The following INVS variants were observed in gnomAD, a reference collection of about 807,000 sequenced individuals.
The protein encoded by INVS is inversion of embryo turning homolog.
INVS carries 86 observed loss-of-function variants against 108.8 expected under a neutral mutation model. The ratio of observed to expected loss-of-function variants is 0.79; its 90% CI spans 0.66 to 0.95. The LOEUF is 0.95. INVS is among the 40% of genes least tolerant of loss of function. The probability of loss-of-function intolerance (pLI) is 0.00; values close to 1 mark genes in which losing one functional copy is unlikely to be tolerated. For synonymous variants in INVS, 455 were observed against 473.5 expected, an observed-to-expected ratio of 0.96 and a Z score of 0.51; for missense variants, 1,169 against 1,297.4, an observed-to-expected ratio of 0.90 and a Z score of 1.52.
intron 10 of INVS, among the ~76,000 whole-genome samples, chr9:100,264,383 T>G (rs1021472477): frequency 6.6e-6 from 1 of 152,124 alleles, no homozygotes; most frequent in African/African-American, 2.4e-5. Context: ...TTTGGGAGGC[T>G]GAGGCGGGTG....
At position 100,256,855 on chromosome 9, in the gene INVS, C is replaced by A. The variant is rs575178352; in HGVS notation, c.1464+3719C>A. 7.0e-4 allele frequency among the ~76,000 whole-genome samples: 106 copies of A among 152,112 alleles called. 1 individual carries two copies. Among genetic ancestry groups the A allele is most frequent in the Non-Finnish European group, 1.2e-3 (84 of 68,020 alleles). On this transcript the variant is annotated intron_variant, in intron 10 of 16. Transcript: ENST00000262457. Reference sequence around the variant, plus strand: ...TATGTTGTCAATTTTGGAATAAGTGCAATGTGGTACTGAGAAGAATGTATA... The same window carrying A: ...TATGTTGTCAATTTTGGAATAAGTGAAATGTGGTACTGAGAAGAATGTATA...
intron 3 of INVS, among the ~76,000 whole-genome samples, chr9:100,141,111 G>A (rs1828414272): frequency 6.6e-6 from 1 of 152,168 alleles, no homozygotes; most frequent in Non-Finnish European, 1.5e-5. Context: ...GTGAGTAGTT[G>A]AGAACAGTGA....
chr9:100,217,443 G>A (rs1166484138), intron 3 of INVS, among the ~76,000 whole-genome samples: 1 of 152,164 alleles, frequency 6.6e-6, no homozygotes, highest in African/African-American at 2.4e-5. Context: ...GCTGGCAGAA[G>A]ACACAAGACT....
intron 3 of INVS, among the ~76,000 whole-genome samples, chr9:100,202,145 T>A (rs1830552129): frequency 6.6e-6 from 1 of 152,088 alleles, no homozygotes; most frequent in African/African-American, 2.4e-5. Context: ...TGCACTGAAC[T>A]TAATACTGTA....
chr9:100,256,033 C>T (rs892561490), intron 10 of INVS, among the ~76,000 whole-genome samples: 10 of 152,284 alleles, frequency 6.6e-5, no homozygotes, highest in Admixed American at 5.2e-4. Flanking sequence ...GGCTGTGAAT[C>T]CATCTGGTCC....
chr9:100,149,454 A>G (rs1828739887), intron 3 of INVS, among the ~76,000 whole-genome samples: 1 of 152,206 alleles, frequency 6.6e-6, no homozygotes, highest in African/African-American at 2.4e-5. Flanking sequence ...CCAAGCAGTG[A>G]GAAAGTCCTA....
chr9:100,153,976 G>T lies in INVS; in HGVS notation c.273+27427G>T, dbSNP rs575301444. The stretch of plus-strand genomic sequence containing the variant: ...GAGGGACATTCAAACCATAGCATTG[G>T]TATAACGCTTATGGAGGGAAACATA... On this transcript the variant is annotated intron_variant, in intron 3 of 16. Transcript: ENST00000262457. Among the ~76,000 whole-genome samples, 15 of 152,240 alleles carry T rather than the reference G, an allele frequency of 9.9e-5. No homozygotes were observed. In the South Asian group the frequency reaches 2.9e-3, roughly 29 times the overall value.
chr9:100,203,123 A>G lies in INVS; in HGVS notation c.274-22939A>G, dbSNP rs757259641. 3.4e-4 allele frequency among the ~76,000 whole-genome samples: 51 copies of G among 152,208 alleles called. 1 individual carries two copies. Among genetic ancestry groups the G allele is most frequent in the Non-Finnish European group, 4.0e-4 (27 of 68,028 alleles). On this transcript the variant is annotated intron_variant, in intron 3 of 16. Coordinates refer to ENST00000262457, the MANE Select transcript of INVS (RefSeq NM_014425.5). ...AAGCATAAAGTCCAACATACATTTG[A>G]TGTTTAGCATCTATAGTATTTGGTG...
chr9:100,264,944 C>CTTTTTTTTTTTTTTTTTTTTTTTTTTTT lies in INVS; in HGVS notation c.1571+32_1571+33insTTTTTTTTTTTTTTTTTTTTTTTTTTTT. 8.1e-7 allele frequency: 1 copy of CTTTTTTTTTTTTTTTTTTTTTTTTTTTT among 1,241,804 alleles called. No individual in the cohort carries two copies. Among genetic ancestry groups the CTTTTTTTTTTTTTTTTTTTTTTTTTTTT allele is most frequent in the Non-Finnish European group, 1.1e-6 (1 of 881,874 alleles). 76.9% of individuals were successfully genotyped at this position (1,241,804 alleles called of 1,614,324 possible). A position where few individuals can be genotyped will look rare whatever the true frequency, so the allele number is the denominator to read the frequency against. On this transcript the variant is annotated intron_variant, in intron 11 of 16. Coordinates refer to ENST00000262457, the MANE Select transcript of INVS (RefSeq NM_014425.5). ...ATGAAGAGAGGTAAGTTGTTGTTGACTTTTTTTTTTTTTTTTGAGATGGCT... is the reference window on the plus strand; with the variant it reads ...ATGAAGAGAGGTAAGTTGTTGTTGACTTTTTTTTTTTTTTTTTTTTTTTTTTTTTTTTTTTTTTTTTTTTGAGATGGCT...
At chr9:100,207,026 G>T (rs1014704878) in intron 3 of INVS, among the ~76,000 whole-genome samples, 9 of 152,186 alleles carry the variant, frequency 5.9e-5, no homozygotes, top group African/African-American at 1.2e-4. Context: ...TCATCAATTT[G>T]TCCCAGTAAT....
At chr9:100,280,187 AAT>A (rs1472418098) in intron 12 of INVS, among the ~76,000 whole-genome samples, 5 of 151,984 alleles carry the variant, frequency 3.3e-5, no homozygotes, top group African/African-American at 1.2e-4. Flanking sequence ...GCTTTGGGGG[AAT>A]ATCTCTGCCC....
chr9:100,174,418 C>T (rs549881595), intron 3 of INVS, among the ~76,000 whole-genome samples: 16 of 150,272 alleles, frequency 1.1e-4, no homozygotes, highest in South Asian at 2.1e-4. Context: ...AAAAAAGAAG[C>T]GAATATACTA....
chr9:100,241,907 G>T (rs941963762), intron 6 of INVS, among the ~76,000 whole-genome samples: 1 of 152,102 alleles, frequency 6.6e-6, no homozygotes, highest in Non-Finnish European at 1.5e-5. Flanking sequence ...CTACTACCAG[G>T]TTTATTCATT....
intron 3 of INVS, among the ~76,000 whole-genome samples, chr9:100,156,664 TC>T (rs1467731229): frequency 6.6e-6 from 1 of 152,168 alleles, no homozygotes; most frequent in Non-Finnish European, 1.5e-5. Flanking sequence ...CACTTCCATG[TC>T]CTGTCTGTCT....
intron 13 of INVS, among the ~76,000 whole-genome samples, chr9:100,291,904 A>G (rs1833628037): frequency 6.6e-6 from 1 of 152,192 alleles, no homozygotes; most frequent in Non-Finnish European, 1.5e-5. Flanking sequence ...TTCTTCCTGC[A>G]AGGACTCATT....
chr9:100,134,831 A>G (rs2118925266), intron 3 of INVS, among the ~76,000 whole-genome samples: 1 of 152,352 alleles, frequency 6.6e-6, no homozygotes, highest in South Asian at 2.1e-4. Context: ...TATTCCTACA[A>G]TGGAACACTG....
intron 8 of INVS, among the ~76,000 whole-genome samples, chr9:100,249,840 C>G (rs560604056): frequency 6.6e-6 from 1 of 151,786 alleles, no homozygotes; most frequent in South Asian, 2.1e-4. Context: ...CGTGGTAGCT[C>G]ACGCCTGTAA....
intron 5 of INVS, 94 bp downstream of exon 5, chr9:100,229,921 G>A: frequency 8.3e-7 from 1 of 1,208,544 alleles, no homozygotes; most frequent in Non-Finnish European, 1.2e-6. Flanking sequence ...TGACGTACAA[G>A]CAAATTATTA....
intron 10 of INVS, among the ~76,000 whole-genome samples, chr9:100,255,964 G>C (rs1352120842): frequency 6.6e-6 from 1 of 152,138 alleles, no homozygotes; most frequent in Non-Finnish European, 1.5e-5. Flanking sequence ...TGTTTCTATT[G>C]ATTGGAATAG....
Sources: gnomAD v4.1 joint callset for allele counts (sites outside exome capture counted in the v4.1 genomes callset) on GRCh38, gnomAD v4.1.1 for gene constraint, MANE v1.5 for transcripts, NCBI Gene and HGNC (gene_info 2026-07-23, HGNC 2026-07-21) for gene names.